Variants in PLS3 observed in about 807,000 individuals in gnomAD.
PLS3 encodes plastin-3.
In PLS3, 11 loss-of-function variants were observed where a neutral mutation model predicts 46.5. That is an observed-to-expected ratio of 0.24 (90% CI 0.15 to 0.39). PLS3 has a LOEUF of 0.39. Among genes scored for constraint, PLS3 ranks in the 10% least tolerant of loss-of-function variants. The pLI is 1.00. For missense variants in PLS3, 308 were observed against 461.8 expected, an observed-to-expected ratio of 0.67 and a Z score of 3.05; for synonymous variants, 167 against 162.2, an observed-to-expected ratio of 1.03 and a Z score of -0.22.
chrX:115,633,130 C>T (rs1349744413), intron 5 of PLS3, among the ~76,000 whole-genome samples: 2 of 110,082 alleles, frequency 1.8e-5, no homozygotes, highest in Admixed American at 1.9e-4. Flanking sequence ...CTACAATCCT[C>T]TGCTCAGAGA....
At chrX:115,620,706 CTTTTTT>C (rs1176959674) in intron 2 of PLS3, among the ~76,000 whole-genome samples, 3 of 54,718 alleles carry the variant, frequency 5.5e-5, no homozygotes, top group African/African-American at 2.4e-4. Flanking sequence ...TTTTTCTTTT[CTTTTTT>C]TTTTTTTTTT....
chrX:115,570,503 C>CTTTTT (rs1166812329), intron 1 of PLS3, among the ~76,000 whole-genome samples: 3 of 86,949 alleles, frequency 3.5e-5, no homozygotes, highest in African/African-American at 4.6e-5. Context: ...TCCTACCTTC[C>CTTTTT]TTTTTTTTTT....
At chrX:115,629,122 A>G (rs1297311884) in intron 3 of PLS3, 76 bp from the exon 4 acceptor site, 1 of 693,503 alleles carries the variant, frequency 1.4e-6, no homozygotes, top group African/African-American at 2.2e-5. Context: ...TGATCAAGAT[A>G]TAAAAGAATA....
chrX:115,646,218 A>G lies in PLS3; in HGVS notation c.1377+32A>G. On this transcript the variant is annotated intron_variant, in intron 12 of 15. Transcript: ENST00000355899. ...AATTAAGTTGCTGTATATATTTGTT[A>G]GAGTATTTTTATTCTCGATTAATTT... The G allele has an allele frequency of 3.3e-6, 3 of 914,643 alleles. No homozygotes were observed. In the South Asian group the frequency reaches 6.5e-5, roughly 20 times the overall value. The allele number at this position is 914,643 out of a possible 1,213,427, so 75.4% of individuals were successfully genotyped here. A position where few individuals can be genotyped will look rare whatever the true frequency, so the allele number is the denominator to read the frequency against.
rs1189018555 is a variant in PLS3 at position 115,576,350 on chromosome X, C to T, written c.-9+15090C>T. Among the ~76,000 whole-genome samples the T allele has an allele frequency of 6.3e-5, 7 of 111,315 alleles. No homozygotes were observed. In the Admixed American group the frequency reaches 6.7e-4, roughly 11 times the overall value. ...TTAGGAGGCCGAGACAGGAGAATCACTTGAGCTCAGGAGTTTGACACCAGC... is the reference window on the plus strand; with the variant it reads ...TTAGGAGGCCGAGACAGGAGAATCATTTGAGCTCAGGAGTTTGACACCAGC... On this transcript the variant is annotated intron_variant, in intron 1 of 15. Coordinates refer to ENST00000355899, the MANE Select transcript of PLS3 (RefSeq NM_005032.7).
At chrX:115,641,667 G>A (rs2074897946) in intron 9 of PLS3, among the ~76,000 whole-genome samples, 1 of 111,461 alleles carries the variant, frequency 9.0e-6, no homozygotes, top group South Asian at 3.8e-4. Flanking sequence ...TCTTGTCCAA[G>A]AAGGGAGCTG....
rs1603230909 is a variant in PLS3 at position 115,604,750 on chromosome X, A to G, written c.-8-5493A>G. Among the ~76,000 whole-genome samples, 3 of 111,813 alleles carry G rather than the reference A, an allele frequency of 2.7e-5. No individual in the cohort carries two copies. In the South Asian group the frequency reaches 1.1e-3, roughly 42 times the overall value. On this transcript the variant is annotated intron_variant, in intron 1 of 15. Coordinates refer to ENST00000355899, the MANE Select transcript of PLS3 (RefSeq NM_005032.7). ...TTAAGGGAAAAAAGTCCTATAGTAC[A>G]ATGAATGCCCCATGAAGAGGAATAG...
intron 7 of PLS3, 41 bp downstream of exon 7, chrX:115,635,087 T>C (rs1232028451): frequency 9.0e-7 from 1 of 1,116,331 alleles, no homozygotes; most frequent in Middle Eastern, 2.5e-4. Flanking sequence ...TTATTGGTTA[T>C]TTTTTTCTAG....
chrX:115,623,443 C>T (rs1361018204), intron 3 of PLS3, among the ~76,000 whole-genome samples: 2 of 111,713 alleles, frequency 1.8e-5, no homozygotes, highest in Non-Finnish European at 3.8e-5. Context: ...ATTGCTCAAG[C>T]CCAGTAGTTT....
intron 2 of PLS3, among the ~76,000 whole-genome samples, chrX:115,616,662 T>C (rs1395774536): frequency 8.9e-6 from 1 of 111,802 alleles, no homozygotes; most frequent in African/African-American, 3.2e-5. Context: ...GTTTTTTGAC[T>C]GAGGGTTCGA....
At chrX:115,599,520 C>CA (rs782065548) in intron 1 of PLS3, among the ~76,000 whole-genome samples, 4,830 of 46,529 alleles carry the variant, frequency 0.1, 633 homozygotes, top group African/African-American at 0.34. Context: ...GACTCTATCT[C>CA]AAAAAAAAAA....
At chrX:115,610,497 T>G (rs1322856419) in intron 2 of PLS3, among the ~76,000 whole-genome samples, 174 bp downstream of exon 2, 5 of 109,821 alleles carry the variant, frequency 4.6e-5, no homozygotes, top group Non-Finnish European at 9.5e-5. Flanking sequence ...CTTTTTTTTT[T>G]TTTTGGTCGA....
At position 115,633,969 on chromosome X, in the gene PLS3, A is replaced by G. The variant is rs782658415; in HGVS notation, c.501-31A>G. The G allele has an allele frequency of 5.9e-5, 44 of 743,830 alleles. 1 individual carries two copies. The East Asian group carries it at 6.3e-4, about 11-fold the overall frequency. 61.3% of individuals were successfully genotyped at this position (743,830 alleles called of 1,213,427 possible). On this transcript the variant is annotated intron_variant, in intron 5 of 15. Coordinates refer to ENST00000355899, the MANE Select transcript of PLS3 (RefSeq NM_005032.7). ...AAAAGGAAATCAGCTCTTTTTTTTT[A>G]CATCAGCCTTTTTTTAAATTTTTGT...
chrX:115,630,336 T>C (rs1469148643), intron 5 of PLS3, among the ~76,000 whole-genome samples: 1 of 111,168 alleles, frequency 9.0e-6, no homozygotes, highest in Non-Finnish European at 1.9e-5. Context: ...TTCTAAAAAA[T>C]GCTTTTGTCA....
At chrX:115,648,193 A>T (rs1397938663) in intron 15 of PLS3, among the ~76,000 whole-genome samples, 176 bp downstream of exon 15, 2 of 111,841 alleles carry the variant, frequency 1.8e-5, no homozygotes, top group African/African-American at 6.5e-5. Context: ...TTTTATAAAG[A>T]TTAAATTTTT....
chrX:115,574,377 T>C (rs1179207162), intron 1 of PLS3, among the ~76,000 whole-genome samples: 2 of 111,897 alleles, frequency 1.8e-5, no homozygotes, highest in Non-Finnish European at 3.8e-5. Flanking sequence ...AAATACATAA[T>C]GATGGGAGCC....
At chrX:115,591,686 T>C (rs2074346511) in intron 1 of PLS3, among the ~76,000 whole-genome samples, 1 of 111,997 alleles carries the variant, frequency 8.9e-6, no homozygotes. Context: ...TGGTTTTCTC[T>C]GTCTGAAAAA....
rs142147346 is a variant in PLS3, at chrX:115,596,301, G to A, written c.-8-13942G>A. On this transcript the variant is annotated intron_variant, in intron 1 of 15. Coordinates refer to ENST00000355899, the MANE Select transcript of PLS3 (RefSeq NM_005032.7). ...TAGCCTGCATGATGTATAGGTCTGC[G>A]CACTTTCCCTACTCACCTCCATCGA... Among the ~76,000 whole-genome samples, 114 of 111,641 alleles carry A rather than the reference G, an allele frequency of 1.0e-3. 1 individual carries two copies. Among genetic ancestry groups the A allele is most frequent in the African/African-American group, 2.8e-3 (85 of 30,713 alleles).
chrX:115,572,924 C>CT (rs1233109891), intron 1 of PLS3, among the ~76,000 whole-genome samples: 6 of 109,549 alleles, frequency 5.5e-5, no homozygotes, highest in Non-Finnish European at 7.6e-5. Flanking sequence ...GAAACCCCGT[C>CT]TCTACTAAAA....
Sources: gnomAD v4.1 joint callset for allele counts (sites outside exome capture counted in the v4.1 genomes callset) on GRCh38, gnomAD v4.1.1 for gene constraint, MANE v1.5 for transcripts, NCBI Gene and HGNC (gene_info 2026-07-23, HGNC 2026-07-21) for gene names.